Variants in EIF4ENIF1 observed in about 807,000 individuals in gnomAD.
EIF4ENIF1 encodes the protein eukaryotic translation initiation factor 4E transporter.
Under a neutral mutation model 110.5 loss-of-function variants are expected in EIF4ENIF1, and 23 were observed. The ratio of observed to expected loss-of-function variants is 0.21; its 90% confidence interval spans 0.15 to 0.29. The LOEUF (loss-of-function observed/expected upper bound fraction) is 0.29, where lower values mean the gene tolerates loss of function less well. EIF4ENIF1 is among the 10% of genes least tolerant of loss of function. The pLI is 1.00. For synonymous variants in EIF4ENIF1, 440 were observed against 437.0 expected (o/e 1.01, Z -0.09); for missense variants, 1,031 against 1,221.1 (o/e 0.84, Z 2.32).
At chr22:31,451,792 A>C (rs1422204165) in intron 10 of EIF4ENIF1, among the ~76,000 whole-genome samples, 1 of 151,832 alleles carries the variant, frequency 6.6e-6, no homozygotes, top group African/African-American at 2.4e-5. Flanking sequence ...AGGCCTGGCC[A>C]GTGGTTACAT....
rs1256864815 is a variant in EIF4ENIF1 at position 31,439,887 on chromosome 22, C to T, written c.2951G>A (p.Arg984Gln). ...TGAGTCTGCCTGCCCTGCTCACTGT[C>T]GGTATTCCAATTCATCTACACTGAT... ...KVISVDELEY[R>Q]Q The change falls in exon 19 of 19, where the codon CGA becomes CAA. Residue 984 changes from arginine to glutamine, a missense_variant. Coordinates refer to ENST00000330125, the MANE Select transcript of EIF4ENIF1 (RefSeq NM_019843.4). The T allele has an allele frequency of 8.1e-6, 13 of 1,613,150 alleles. No homozygotes were observed. Among genetic ancestry groups the T allele is most frequent in the African/African-American group, 1.3e-5 (1 of 74,926 alleles).
chr22:31,455,962 C>A lies in EIF4ENIF1; in HGVS notation c.989G>T (p.Gly330Val). The change falls in exon 8 of 19, where the codon GGG (glycine) becomes GTG (valine). Residue 330 changes from glycine (G) to valine (V), a missense_variant. This residue lies in a region of EIF4ENIF1 where 704 missense variants were observed against 879.7 expected (regional missense o/e 0.80). Coordinates refer to ENST00000330125, the MANE Select transcript of EIF4ENIF1 (RefSeq NM_019843.4). ...ACTGAACCGACTGGCAGAGACTGACCCTTCTCCCAAAACATCTTCTATCAT... is the reference window on the plus strand; with the variant it reads ...ACTGAACCGACTGGCAGAGACTGACACTTCTCCCAAAACATCTTCTATCAT... The part of the protein sequence containing the change: ...ASMIEDVLGE[G>V]SVSASRFSRW... 6.2e-7 allele frequency: 1 copy of A among 1,613,984 alleles called. No homozygotes were observed. The highest frequency in any genetic ancestry group is 8.5e-7 in the Non-Finnish European group (1 of 1,179,968).
At chr22:31,455,812 C>A (rs982889723) in intron 8 of EIF4ENIF1, 40 bp downstream of exon 8, 1 of 1,610,418 alleles carries the variant, frequency 6.2e-7, no homozygotes, top group Non-Finnish European at 8.5e-7. Context: ...AGGGAAAAAC[C>A]CAGGTTTACC....
Position 31,439,844 on chromosome 22 carries a change from C to A in EIF4ENIF1, c.*36G>T. On this transcript the variant is annotated 3_prime_UTR_variant, in exon 19 of 19. Transcript: ENST00000330125. Reference sequence around the variant, plus strand: ...AGCAGGGTCCTGCCCAGTGTGCCACCACAGGTCCGGGCTTAGTTGAGTCTG... The same window carrying A: ...AGCAGGGTCCTGCCCAGTGTGCCACAACAGGTCCGGGCTTAGTTGAGTCTG... 1 of 1,604,870 alleles carries A rather than the reference C, an allele frequency of 6.2e-7. No individual in the cohort carries two copies. Among genetic ancestry groups the A allele is most frequent in the South Asian group, 1.1e-5 (1 of 90,624 alleles).
chr22:31,467,017 A>G (rs2051211833), intron 4 of EIF4ENIF1, among the ~76,000 whole-genome samples: 2 of 152,312 alleles, frequency 1.3e-5, no homozygotes, highest in South Asian at 2.1e-4. Context: ...AGAGTTTTCT[A>G]TGAGTCAGTA....
rs145060853 is a variant in EIF4ENIF1 at position 31,450,789 on chromosome 22, T to C, written c.1513-429A>G. ...ATACATACATATATACACACACATA[T>C]ACACATATACATACACATACATATA... is the stretch of plus-strand genomic sequence containing the variant. On this transcript the variant is annotated intron_variant, in intron 10 of 18. Coordinates refer to ENST00000330125, the MANE Select transcript of EIF4ENIF1 (RefSeq NM_019843.4). The C allele has an allele frequency of 4.7e-4, 101 of 215,570 alleles. 1 individual carries two copies. The highest frequency in any genetic ancestry group is 1.4e-3 in the Admixed American group (26 of 18,332). The allele number at this position is 215,570 out of a possible 1,614,324, so 13.4% of individuals were successfully genotyped here. A position where few individuals can be genotyped will look rare whatever the true frequency, so the allele number is the denominator to read the frequency against.
chr22:31,473,357 T>A (rs537421276), intron 2 of EIF4ENIF1, among the ~76,000 whole-genome samples: 41 of 152,290 alleles, frequency 2.7e-4, no homozygotes, highest in African/African-American at 9.9e-4. Flanking sequence ...CAGTTTTTTT[T>A]ATAACTACAA....
At position 31,477,368 on chromosome 22, in the gene EIF4ENIF1, AAAAAAAC is replaced by A. The variant is rs1207079594; in HGVS notation, c.97-5458_97-5452del. Among the ~76,000 whole-genome samples the A allele has an allele frequency of 8.3e-5, 11 of 133,230 alleles. No individual in the cohort carries two copies. The East Asian group carries it at 9.3e-4, about 11-fold the overall frequency. 87.4% of individuals were successfully genotyped at this position (133,230 alleles called of 152,430 possible). On this transcript the variant is annotated intron_variant, in intron 2 of 18. Transcript: ENST00000330125. ...AAGACCTCTGTCTCCAAAAAAAAAA[AAAAAAAC>A]AAAAAAAACAAAAAAAGAGAATTTG...
chr22:31,443,374 G>C, intron 15 of EIF4ENIF1: 1 of 294,366 alleles, frequency 3.4e-6, no homozygotes. Context: ...GCTGGCAAGA[G>C]AAAGAACATG....
At chr22:31,465,623 G>A (rs1478176579) in intron 4 of EIF4ENIF1, among the ~76,000 whole-genome samples, 1 of 152,184 alleles carries the variant, frequency 6.6e-6, no homozygotes, top group Non-Finnish European at 1.5e-5. Flanking sequence ...CAATTTCCCA[G>A]AAGGTTAAAC....
chr22:31,492,165 T>C (rs1172884599), upstream of EIF4ENIF1, among the ~76,000 whole-genome samples: 3 of 152,164 alleles, frequency 2.0e-5, no homozygotes, highest in Non-Finnish European at 2.9e-5. Context: ...ATATCAGGGC[T>C]GGATTCTAAG....
chr22:31,455,277 C>T lies in EIF4ENIF1; in HGVS notation c.1138G>A (p.Gly380Arg), dbSNP rs374855102. 5 of 1,611,312 alleles carry T rather than the reference C, an allele frequency of 3.1e-6. No individual in the cohort carries two copies. The highest frequency in any genetic ancestry group is 4.2e-6 in the Non-Finnish European group (5 of 1,178,930). The change falls in exon 9 of 19, where the codon GGG becomes AGG. Residue 380 changes from glycine (G) to arginine (R), a missense_variant. By Grantham distance (125) the Gly-to-Arg change is moderately radical. This residue lies in a region of EIF4ENIF1 where 704 missense variants were observed against 879.7 expected (regional missense o/e 0.80). Transcript: ENST00000330125. ...QAILSPGQNS[G>R]NYFAPIPLED... ...AATGGTATAGGAGCAAAGTAATTCC[C>T]CGAGTTCTGTCCAGGAGAGAGGATG...
At chr22:31,450,856 C>T (rs1198045824) in intron 10 of EIF4ENIF1, 3,856 of 146,454 alleles carry the variant, frequency 0.026, 56 homozygotes, top group African/African-American at 0.033. Context: ...CACACACACA[C>T]ACACACACAC....
At chr22:31,481,678 A>C (rs2051821600) in intron 2 of EIF4ENIF1, among the ~76,000 whole-genome samples, 1 of 152,162 alleles carries the variant, frequency 6.6e-6, no homozygotes, top group African/African-American at 2.4e-5. Flanking sequence ...ATATCCAAGA[A>C]GGCTAGGATG....
chr22:31,475,515 G>T (rs990349093), intron 2 of EIF4ENIF1, among the ~76,000 whole-genome samples: 2 of 152,142 alleles, frequency 1.3e-5, no homozygotes, highest in African/African-American at 2.4e-5. Flanking sequence ...ACTATAGGAG[G>T]CTGAGGCAGG....
downstream of EIF4ENIF1, among the ~76,000 whole-genome samples, chr22:31,438,028 G>A (rs1224273558): frequency 6.6e-5 from 10 of 152,212 alleles, no homozygotes; most frequent in East Asian, 1.5e-3. Context: ...GCAAGTACAC[G>A]GCAGGGTGGG....
chr22:31,455,055 G>A (rs1286254298), intron 9 of EIF4ENIF1, 81 bp downstream of exon 9: 15 of 1,234,030 alleles, frequency 1.2e-5, no homozygotes, highest in Non-Finnish European at 1.7e-5. Flanking sequence ...ATGAAACAGA[G>A]GTTATGTTAG....
chr22:31,460,597 C>T (rs2050959763), intron 6 of EIF4ENIF1, among the ~76,000 whole-genome samples: 1 of 151,498 alleles, frequency 6.6e-6, no homozygotes. Context: ...CCACTGCACT[C>T]CAGCCTGGGT....
intron 5 of EIF4ENIF1, 70 bp from the exon 6 acceptor site, chr22:31,463,203 G>A (rs957450733): frequency 3.5e-6 from 5 of 1,441,200 alleles, no homozygotes; most frequent in South Asian, 1.2e-5. Context: ...CAAGGTCTTC[G>A]TTGTAATGTT....
Sources: gnomAD v4.1 joint callset for allele counts (sites outside exome capture counted in the v4.1 genomes callset) on GRCh38, gnomAD v4.1.1 for gene constraint, gnomAD v4.1.1 regional missense constraint, MANE v1.5 for transcripts, NCBI Gene and HGNC (gene_info 2026-07-23, HGNC 2026-07-21) for gene names.